Variants in INSR observed in about 807,000 individuals in gnomAD.
INSR encodes IR.
INSR carries 67 observed loss-of-function variants against 142.6 expected under a neutral mutation model. That is an observed-to-expected ratio of 0.47 (90% CI 0.39 to 0.58). The LOEUF is 0.58. Among genes scored for constraint, INSR ranks in the 20% least tolerant of loss-of-function variants. INSR has a pLI of 0.00. For missense variants in INSR, 1,248 were observed against 1,833.2 expected (o/e 0.68, Z 5.83); for synonymous variants, 756 against 743.1 (o/e 1.02, Z -0.28).
chr19:7,151,164 C>CTCTTTCCTTTCT (rs1169790764), intron 10 of INSR, among the ~76,000 whole-genome samples: 990 of 5,074 alleles, frequency 0.2, 14 homozygotes, highest in Middle Eastern at 0.33. Context: ...CTTTCTTTCT[C>CTCTTTCCTTTCT]TTTCTTTCTT....
At chr19:7,211,832 G>C (rs922859435) in intron 2 of INSR, among the ~76,000 whole-genome samples, 2 of 152,204 alleles carry the variant, frequency 1.3e-5, no homozygotes, top group African/African-American at 4.8e-5. Context: ...CTGCCAAATA[G>C]AGCTTTGGAG....
At chr19:7,254,979 G>A (rs762745957) in intron 2 of INSR, among the ~76,000 whole-genome samples, 1 of 152,084 alleles carries the variant, frequency 6.6e-6, no homozygotes, top group Non-Finnish European at 1.5e-5. Flanking sequence ...GGGCCAAAAG[G>A]TCAGTTTCAA....
chr19:7,146,028 A>G (rs1338534664), intron 11 of INSR, among the ~76,000 whole-genome samples: 1 of 152,184 alleles, frequency 6.6e-6, no homozygotes, highest in Admixed American at 6.5e-5. Context: ...GGAATTTTAA[A>G]TTAAGGTTAT....
At chr19:7,167,509 G>A (rs1049578694) in intron 7 of INSR, among the ~76,000 whole-genome samples, 2 of 151,058 alleles carry the variant, frequency 1.3e-5, no homozygotes, top group African/African-American at 4.9e-5. Flanking sequence ...CCGGGAGGCA[G>A]AGGTTGCAGT....
chr19:7,249,622 A>G (rs2081880), intron 2 of INSR, among the ~76,000 whole-genome samples: 47,287 of 151,848 alleles, frequency 0.31, 8,518 homozygotes, highest in South Asian at 0.54. Context: ...CTAGTGTGCC[A>G]GAACTGCTTG....
intron 2 of INSR, among the ~76,000 whole-genome samples, chr19:7,189,453 G>A (rs1401323127): frequency 6.6e-6 from 1 of 152,148 alleles, no homozygotes. Flanking sequence ...TCTGTAAAGG[G>A]CCACAAGCAA....
intron 2 of INSR, among the ~76,000 whole-genome samples, chr19:7,190,272 C>T (rs528591453): frequency 2.0e-5 from 3 of 152,050 alleles, no homozygotes; most frequent in East Asian, 1.9e-4. Context: ...GCTAACACTG[C>T]CTTCTTATTT....
chr19:7,185,357 AT>A (rs1251498992), intron 2 of INSR, among the ~76,000 whole-genome samples: 1 of 152,082 alleles, frequency 6.6e-6, no homozygotes, highest in South Asian at 2.1e-4. Context: ...TAGCTCCTTT[AT>A]TTTTTTGTTT....
chr19:7,293,605 G>A (rs1396519548), intron 1 of INSR, among the ~76,000 whole-genome samples, 187 bp downstream of exon 1: 3 of 152,180 alleles, frequency 2.0e-5, no homozygotes. Flanking sequence ...GCGCGAGCCC[G>A]GGCGGGCAAA....
chr19:7,153,284 C>CACCA (rs1568449793), intron 9 of INSR, among the ~76,000 whole-genome samples: 2 of 141,916 alleles, frequency 1.4e-5, no homozygotes, highest in East Asian at 2.3e-4. Context: ...ACACACCACA[C>CACCA]CACACACCGC....
At chr19:7,183,197 G>A (rs906036286) in intron 3 of INSR, among the ~76,000 whole-genome samples, 4 of 151,830 alleles carry the variant, frequency 2.6e-5, no homozygotes, top group East Asian at 1.9e-4. Flanking sequence ...GATACTTTAC[G>A]TAAGCAGGTC....
At chr19:7,235,665 G>A (rs1976134222) in intron 2 of INSR, among the ~76,000 whole-genome samples, 1 of 151,958 alleles carries the variant, frequency 6.6e-6, no homozygotes, top group African/African-American at 2.4e-5. Flanking sequence ...GCCTGGGCAA[G>A]GTAGTGAGAC....
At chr19:7,273,556 T>C (rs1354604099) in intron 1 of INSR, among the ~76,000 whole-genome samples, 1 of 151,756 alleles carries the variant, frequency 6.6e-6, no homozygotes, top group Non-Finnish European at 1.5e-5. Flanking sequence ...TCTTACTCTG[T>C]TGCCCAGGCT....
chr19:7,284,540 T>C (rs750571094), intron 1 of INSR, among the ~76,000 whole-genome samples: 28 of 151,944 alleles, frequency 1.8e-4, no homozygotes, highest in Non-Finnish European at 3.1e-4. Flanking sequence ...TTTTTGTTGT[T>C]GTTTTTTGTT....
At chr19:7,273,521 T>C (rs528548983) in intron 1 of INSR, among the ~76,000 whole-genome samples, 131 of 151,832 alleles carry the variant, frequency 8.6e-4, no homozygotes, top group African/African-American at 3.1e-3. Flanking sequence ...TTTCTTTTTT[T>C]TTTTTTCTTT....
chr19:7,123,209 C>A, intron 17 of INSR: 1 of 541,682 alleles, frequency 1.8e-6, no homozygotes, highest in South Asian at 2.0e-5. Flanking sequence ...CTTGCTGTTA[C>A]CCAGGCTAGA....
intron 8 of INSR, among the ~76,000 whole-genome samples, chr19:7,164,308 C>T (rs1568458413): frequency 6.6e-6 from 1 of 152,096 alleles, no homozygotes; most frequent in Non-Finnish European, 1.5e-5. Flanking sequence ...TGTCTCCAGA[C>T]ATTGATTGGC....
Position 7,294,094 on chromosome 19 carries a change from A to C in INSR, c.-203T>G. 2.7e-5 allele frequency: 9 copies of C among 328,282 alleles called. No homozygotes were observed. The highest frequency in any genetic ancestry group is 1.3e-4 in the South Asian group (1 of 7,506). The allele number at this position is 328,282 out of a possible 1,614,324, so 20.3% of individuals were successfully genotyped here. A position where few individuals can be genotyped will look rare whatever the true frequency, so the allele number is the denominator to read the frequency against. Reference sequence around the variant, plus strand: ...GCGCGCGCGGCTTCGCCAGCTACAAATACTGAGCGGAGGCCCTTGCGGTGG... The same window carrying C: ...GCGCGCGCGGCTTCGCCAGCTACAACTACTGAGCGGAGGCCCTTGCGGTGG... On this transcript the variant is annotated 5_prime_UTR_variant, in exon 1 of 22. Transcript: ENST00000302850.
At chr19:7,191,171 C>A (rs554554328) in intron 2 of INSR, among the ~76,000 whole-genome samples, 2 of 152,130 alleles carry the variant, frequency 1.3e-5, no homozygotes, top group Non-Finnish European at 2.9e-5. Flanking sequence ...GTGGCAGGTG[C>A]CTGTAATCCC....
Sources: gnomAD v4.1 joint callset for allele counts (sites outside exome capture counted in the v4.1 genomes callset) on GRCh38, gnomAD v4.1.1 for gene constraint, MANE v1.5 for transcripts, NCBI Gene and HGNC (gene_info 2026-07-23, HGNC 2026-07-21) for gene names.